The following CELSR1 variants were observed in gnomAD, a reference collection of about 807,000 sequenced individuals.
CELSR1 encodes the protein adhesion G protein-coupled receptor C1.
In CELSR1, 110 loss-of-function variants were observed where a neutral mutation model predicts 249.1. The observed-to-expected ratio is 0.44, with a 90% confidence interval of 0.38 to 0.52. CELSR1 has a LOEUF of 0.52. Ranked by LOEUF, CELSR1 falls within the 20% of genes least tolerant of loss-of-function variation. CELSR1 has a pLI of 0.00. For missense variants in CELSR1, 4,109 were observed against 4,296.4 expected (o/e 0.96, Z 1.22); for synonymous variants, 2,113 against 1,900.0 (o/e 1.11, Z -2.92).
Position 46,381,758 on chromosome 22 carries a change from G to C in CELSR1, c.7088+88C>G. ...GTGAAATGTCACTGTGAAGACCTGT[G>C]CTTGATCAGGATCAGGATTTTGACC... On this transcript the variant is annotated intron_variant, in intron 21 of 34. Coordinates refer to ENST00000674500, the MANE Select transcript of CELSR1 (RefSeq NM_001378328.1). This position sits in a 1 kb window ranked among gnomAD's most constrained non-coding sequence, Gnocchi z 6.0. 1 of 1,223,494 alleles carries C rather than the reference G, an allele frequency of 8.2e-7. No homozygotes were observed. Among genetic ancestry groups the C allele is most frequent in the South Asian group, 1.4e-5 (1 of 72,098 alleles). The allele number at this position is 1,223,494 out of a possible 1,614,324, so 75.8% of individuals were successfully genotyped here.
chr22:46,405,574 G>GAT (rs1200281243), intron 9 of CELSR1, among the ~76,000 whole-genome samples: 2 of 152,078 alleles, frequency 1.3e-5, no homozygotes, highest in East Asian at 3.9e-4. Context: ...AAACAAAAGT[G>GAT]ATATCCACAG....
At chr22:46,386,264 C>A (rs906312976) in intron 19 of CELSR1, 138 bp downstream of exon 19, 4 of 982,354 alleles carry the variant, frequency 4.1e-6, no homozygotes, top group Non-Finnish European at 5.8e-6. Flanking sequence ...GCCACTGTGC[C>A]CGGCCTCACA....
Position 46,364,561 on chromosome 22 carries a change from GCTCTCCTGGTCCGGGGGGTA to G in CELSR1, c.8710_8729del (p.Tyr2904ArgfsTer8). 1 of 1,612,256 alleles carries G rather than the reference GCTCTCCTGGTCCGGGGGGTA, an allele frequency of 6.2e-7. No homozygotes were observed. The highest frequency in any genetic ancestry group is 1.3e-5 in the African/African-American group (1 of 75,048). On this transcript the variant is annotated frameshift_variant, in exon 33 of 35. Coordinates refer to ENST00000674500, the MANE Select transcript of CELSR1 (RefSeq NM_001378328.1). LOFTEE classifies it high-confidence loss of function. Reference sequence around the variant, plus strand: ...TGCTAGCAAGCCTGGCTGCGCCCCCGCTCTCCTGGTCCGGGGGGTACTCTCCACGGTGACTGCCCTGCTCC... The same window carrying G: ...TGCTAGCAAGCCTGGCTGCGCCCCCGCTCTCCACGGTGACTGCCCTGCTCC...
rs942434949 is a variant in CELSR1, at chr22:46,537,283, G to A, written c.-113C>T. On this transcript the variant is annotated 5_prime_UTR_variant, in exon 1 of 35. Coordinates refer to ENST00000674500, the MANE Select transcript of CELSR1 (RefSeq NM_001378328.1). The surrounding 1 kb of genome is among the most constrained non-coding windows in gnomAD (Gnocchi z 5.8). ...GGCTCCCGGGCGCCCGGCCCTCGGGGCGGTCCGCGTCCCGCCTCCCCGGGG... is the reference window on the plus strand; with the variant it reads ...GGCTCCCGGGCGCCCGGCCCTCGGGACGGTCCGCGTCCCGCCTCCCCGGGG... 1.0e-6 allele frequency: 1 copy of A among 993,074 alleles called. No homozygotes were observed. Among genetic ancestry groups the A allele is most frequent in the African/African-American group, 1.8e-5 (1 of 57,122 alleles). The allele number at this position is 993,074 out of a possible 1,614,324, so 61.5% of individuals were successfully genotyped here.
At chr22:46,531,064 T>G (rs1035297594) in intron 1 of CELSR1, among the ~76,000 whole-genome samples, 1 of 152,232 alleles carries the variant, frequency 6.6e-6, no homozygotes, top group African/African-American at 2.4e-5. Context: ...CTGATCTTTT[T>G]GTTTGGTCTG....
At position 46,533,904 on chromosome 22, in the gene CELSR1, GA is replaced by G; in HGVS notation, c.3266del (p.Ile1089ThrfsTer35). 1 of 1,613,330 alleles carries G rather than the reference GA, an allele frequency of 6.2e-7. No individual in the cohort carries two copies. The highest frequency in any genetic ancestry group is 8.5e-7 in the Non-Finnish European group (1 of 1,180,016). ...APLVSRATVH[I>X]LLVDQNDNPP... Reference sequence around the variant, plus strand: ...GGTTGTCATTCTGGTCCACGAGAAGGATGTGCACCGTGGCTCGGCTCACCAG... The same window carrying G: ...GGTTGTCATTCTGGTCCACGAGAAGGTGTGCACCGTGGCTCGGCTCACCAG... On this transcript the variant is annotated frameshift_variant, in exon 1 of 35. Transcript: ENST00000674500. LOFTEE classifies it high-confidence loss of function.
Position 46,366,463 on chromosome 22 carries a change from G to A in CELSR1, c.8223C>T (p.Asn2741=), listed in dbSNP as rs56325154. 0.014 allele frequency: 20,951 copies of A among 1,550,372 alleles called. 188 individuals carry two copies. The highest frequency in any genetic ancestry group is 0.029 in the South Asian group (2,449 of 84,048). Residue 2741 remains asparagine, a synonymous_variant, in exon 30 of 35, where the codon AAC becomes AAT. Coordinates refer to ENST00000674500, the MANE Select transcript of CELSR1 (RefSeq NM_001378328.1). ...ATLLTRSLNC[N]TTFGDGPDML... ...TGTCAGGCCCGTCACCGAAGGTGGT[G>A]TTGCAGTTGAGGGAGCGCTGAAGGG...
Position 46,364,102 on chromosome 22 carries a change from C to A in CELSR1, c.8929G>T (p.Ala2977Ser). Residue 2977 changes from alanine (A) to serine (S), a missense_variant, in exon 34 of 35, where the codon GCC becomes TCC. By Grantham distance (99) the Ala-to-Ser change is moderately conservative. This residue lies in a region of CELSR1 where 1,805 missense variants were observed against 1,831.6 expected (regional missense o/e 0.99). Transcript: ENST00000674500. The stretch of plus-strand genomic sequence containing the variant: ...CTCCCAGGGCTCTTGACTGTGATGG[C>A]GCAGTCGGGGCCGCCAGAGCCCAGG... ...SSLGSGGPDC[A>S]ITVKSPGREP... is the part of the protein sequence containing the mutation. 6.2e-7 allele frequency: 1 copy of A among 1,612,230 alleles called. No homozygotes were observed. Among genetic ancestry groups the A allele is most frequent in the Non-Finnish European group, 8.5e-7 (1 of 1,179,582 alleles).
In CELSR1 at chr22:46,454,904, C is replaced by G. The variant is rs2079929185; in HGVS notation, c.4183+8803G>C. Among the ~76,000 whole-genome samples, 1 of 152,206 alleles carries G rather than the reference C, an allele frequency of 6.6e-6. No individual in the cohort carries two copies. Among genetic ancestry groups the G allele is most frequent in the South Asian group, 2.1e-4 (1 of 4,832 alleles). ...ACGCTCAGTTACGAACTCCCAGTAC[C>G]CTTGAAAGTGACCTTGTTTGGAAAT... On this transcript the variant is annotated intron_variant, in intron 2 of 34. Coordinates refer to ENST00000674500, the MANE Select transcript of CELSR1 (RefSeq NM_001378328.1). The surrounding 1 kb of genome is among the most constrained non-coding windows in gnomAD (Gnocchi z 5.1).
Position 46,408,367 on chromosome 22 carries a change from TGTC to T in CELSR1, c.5226+626_5226+628del, listed in dbSNP as rs1177726481. Among the ~76,000 whole-genome samples the T allele has an allele frequency of 6.6e-6, 1 of 152,166 alleles. No homozygotes were observed. The highest frequency in any genetic ancestry group is 1.5e-5 in the Non-Finnish European group (1 of 68,030). Reference sequence around the variant, plus strand: ...GCTTTTTGAGATGGAGTCTCTGTCTTGTCGTCCAGACTGGAGTGTGGTGACACG... The same window carrying T: ...GCTTTTTGAGATGGAGTCTCTGTCTTGTCCAGACTGGAGTGTGGTGACACG... On this transcript the variant is annotated intron_variant, in intron 9 of 34. Transcript: ENST00000674500. The surrounding 1 kb of genome is among the most constrained non-coding windows in gnomAD (Gnocchi z 4.6).
In CELSR1 at chr22:46,421,940, G is replaced by C. The variant is rs532457730; in HGVS notation, c.4612-10181C>G. On this transcript the variant is annotated intron_variant, in intron 5 of 34. Transcript: ENST00000674500. The stretch of plus-strand genomic sequence containing the variant: ...TCCTCTTAAACACGGAACTTCCTAT[G>C]AGACAGAATCAAAGCCAACAAGGCC... Among the ~76,000 whole-genome samples, 4 of 152,312 alleles carry C rather than the reference G, an allele frequency of 2.6e-5. No homozygotes were observed. The South Asian group carries it at 8.3e-4, about 32-fold the overall frequency.
intron 27 of CELSR1, among the ~76,000 whole-genome samples, chr22:46,368,879 G>A (rs1486040758): frequency 1.3e-5 from 2 of 151,922 alleles, no homozygotes; most frequent in East Asian, 1.9e-4. Context: ...TCTCCACTCT[G>A]GGGATTCCAG....
At chr22:46,508,105 A>G (rs1756762261) in intron 1 of CELSR1, among the ~76,000 whole-genome samples, 1 of 152,164 alleles carries the variant, frequency 6.6e-6, no homozygotes, top group Non-Finnish European at 1.5e-5. Flanking sequence ...CACAGCCTGT[A>G]CATGCCCCTT....
chr22:46,447,785 A>C lies in CELSR1; in HGVS notation c.4184-8374T>G, dbSNP rs187339812. 8.9e-4 allele frequency among the ~76,000 whole-genome samples: 135 copies of C among 152,124 alleles called. No homozygotes were observed. The highest frequency in any genetic ancestry group is 3.2e-3 in the African/African-American group (133 of 41,490). On this transcript the variant is annotated intron_variant, in intron 2 of 34. Coordinates refer to ENST00000674500, the MANE Select transcript of CELSR1 (RefSeq NM_001378328.1). This position sits in a 1 kb window ranked among gnomAD's most constrained non-coding sequence, Gnocchi z 4.7. The stretch of plus-strand genomic sequence containing the variant: ...CAGGTGCACACCACCACACCTGGCT[A>C]ATTTTTGTATTTTAAGTAGAGACGG...
rs1202690704 is a variant in CELSR1 at position 46,396,119 on chromosome 22, C to T, written c.5843+486G>A. On this transcript the variant is annotated intron_variant, in intron 13 of 34. Transcript: ENST00000674500. The surrounding 1 kb of genome is among the most constrained non-coding windows in gnomAD (Gnocchi z 6.4). ...TTAGTTTGAGACGTCCAAATTGATT[C>T]TCATTGCCCAAGCGTGGTGGCTCAC... is the stretch of plus-strand genomic sequence containing the variant. 6.6e-6 allele frequency among the ~76,000 whole-genome samples: 1 copy of T among 152,148 alleles called. No individual in the cohort carries two copies. Among genetic ancestry groups the T allele is most frequent in the East Asian group, 1.9e-4 (1 of 5,188 alleles).
Position 46,521,226 on chromosome 22 carries a change from G to A in CELSR1, c.3544+12401C>T, listed in dbSNP as rs549417728. ...CTCTTTAAAGATCTTGTTTTCAGCC[G>A]GGCGCGGTGGCTCACGCCTGTAATC... On this transcript the variant is annotated intron_variant, in intron 1 of 34. Coordinates refer to ENST00000674500, the MANE Select transcript of CELSR1 (RefSeq NM_001378328.1). Among the ~76,000 whole-genome samples the A allele has an allele frequency of 8.5e-5, 13 of 152,230 alleles. No individual in the cohort carries two copies. The South Asian group carries it at 1.0e-3, about 12-fold the overall frequency.
chr22:46,477,488 T>C (rs1052632120), intron 1 of CELSR1, among the ~76,000 whole-genome samples: 1 of 151,092 alleles, frequency 6.6e-6, no homozygotes, highest in Admixed American at 6.7e-5. Context: ...ACGAGCCTGT[T>C]TTTTTGTTTT....
At chr22:46,460,569 A>G (rs1320935531) in intron 2 of CELSR1, among the ~76,000 whole-genome samples, 2 of 152,156 alleles carry the variant, frequency 1.3e-5, no homozygotes, top group Non-Finnish European at 2.9e-5. Flanking sequence ...CACAACTACG[A>G]TGTTTACAAA....
chr22:46,379,641 A>C (rs1433267706), intron 22 of CELSR1, among the ~76,000 whole-genome samples: 1 of 152,236 alleles, frequency 6.6e-6, no homozygotes, highest in African/African-American at 2.4e-5. Flanking sequence ...CTTGGAAAGC[A>C]CAGAAGCAGG....
Sources: gnomAD v4.1 joint callset for allele counts (sites outside exome capture counted in the v4.1 genomes callset) on GRCh38, gnomAD v4.1.1 for gene constraint, gnomAD v4.1.1 regional missense constraint, Gnocchi (gnomAD v3.1) non-coding constraint, MANE v1.5 for transcripts, NCBI Gene and HGNC (gene_info 2026-07-23, HGNC 2026-07-21) for gene names.